CDH8: variants seen among roughly 807,000 people sequenced by gnomAD.
CDH8 encodes cadherin-8.
Under a neutral mutation model 68.1 loss-of-function variants are expected in CDH8, and 17 were observed. The observed-to-expected ratio is 0.25, with a 90% CI of 0.17 to 0.37. The LOEUF is 0.37. Among genes scored for constraint, CDH8 ranks in the 10% least tolerant of loss-of-function variants. The pLI is 1.00. For synonymous variants in CDH8, 372 were observed against 365.1 expected (o/e 1.02, Z -0.21); for missense variants, 763 against 999.3 (o/e 0.76, Z 3.19).
intron 8 of CDH8, among the ~76,000 whole-genome samples, chr16:61,779,991 T>C (rs1961005057): frequency 6.6e-6 from 1 of 152,218 alleles, no homozygotes; most frequent in South Asian, 2.1e-4. Flanking sequence ...GATCTGATCC[T>C]GTACCTCCAC....
At chr16:61,769,570 C>T (rs144016973) in intron 8 of CDH8, among the ~76,000 whole-genome samples, 174 of 151,634 alleles carry the variant, frequency 1.1e-3, no homozygotes, top group African/African-American at 4.1e-3. Context: ...TAGTAGTTGT[C>T]TCATTTCATC....
At chr16:61,994,315 T>C (rs1475553057) in intron 2 of CDH8, among the ~76,000 whole-genome samples, 1 of 152,206 alleles carries the variant, frequency 6.6e-6, no homozygotes. Flanking sequence ...CAGGTGTAAA[T>C]TGAGTCAGGC....
intron 3 of CDH8, among the ~76,000 whole-genome samples, chr16:61,861,913 C>G (rs951446614): frequency 6.6e-6 from 1 of 152,094 alleles, no homozygotes. Flanking sequence ...TGTGTGTATA[C>G]AGGTAAAACT....
chr16:61,840,972 A>C (rs1207356666), intron 4 of CDH8, among the ~76,000 whole-genome samples: 1 of 152,172 alleles, frequency 6.6e-6, no homozygotes, highest in Non-Finnish European at 1.5e-5. Flanking sequence ...AAAATAGAAA[A>C]GAAAAAATAT....
chr16:62,006,192 A>G lies in CDH8; in HGVS notation c.252+14960T>C, dbSNP rs116256064. Reference sequence around the variant, plus strand: ...GTCATCCCACTTGGCCTTCTGGGTTATTGGGATGATCAAAAGAAATACTTG... The same window carrying G: ...GTCATCCCACTTGGCCTTCTGGGTTGTTGGGATGATCAAAAGAAATACTTG... On this transcript the variant is annotated intron_variant, in intron 2 of 11. Transcript: ENST00000577390. Among the ~76,000 whole-genome samples, 1,148 of 152,346 alleles carry G rather than the reference A, an allele frequency of 7.5e-3. 13 individuals carry two copies. Among genetic ancestry groups the G allele is most frequent in the African/African-American group, 0.025 (1,043 of 41,594 alleles).
intron 8 of CDH8, among the ~76,000 whole-genome samples, chr16:61,746,682 C>G (rs555441251): frequency 1.3e-5 from 2 of 151,898 alleles, no homozygotes; most frequent in East Asian, 3.9e-4. Context: ...AAAATTTACT[C>G]TAGAAGGACT....
At chr16:61,672,971 C>T (rs1320536318) in intron 10 of CDH8, among the ~76,000 whole-genome samples, 1 of 152,076 alleles carries the variant, frequency 6.6e-6, no homozygotes. Context: ...TGTGAACTTA[C>T]ATCTTTCTAC....
intron 10 of CDH8, among the ~76,000 whole-genome samples, chr16:61,689,930 C>T (rs1015813820): frequency 9.9e-5 from 15 of 151,900 alleles, no homozygotes; most frequent in African/African-American, 2.9e-4. Context: ...AACAGTCTGA[C>T]CATGTTCTAA....
At chr16:61,985,578 C>T (rs541403403) in intron 2 of CDH8, among the ~76,000 whole-genome samples, 8 of 152,262 alleles carry the variant, frequency 5.3e-5, no homozygotes, top group African/African-American at 1.9e-4. Flanking sequence ...CCACAACCTC[C>T]GCCTCCTGGA....
chr16:61,767,140 G>GT (rs1183878298), intron 8 of CDH8, among the ~76,000 whole-genome samples: 1 of 151,872 alleles, frequency 6.6e-6, no homozygotes, highest in Non-Finnish European at 1.5e-5. Flanking sequence ...CATGACTTGT[G>GT]TGTGTGTGCG....
At chr16:61,952,188 T>C (rs1455702548) in intron 2 of CDH8, among the ~76,000 whole-genome samples, 1 of 152,190 alleles carries the variant, frequency 6.6e-6, no homozygotes, top group Non-Finnish European at 1.5e-5. Flanking sequence ...AAACTATCAT[T>C]TCTTCCATGG....
At chr16:61,672,496 A>G (rs1411633547) in intron 10 of CDH8, among the ~76,000 whole-genome samples, 1 of 152,032 alleles carries the variant, frequency 6.6e-6, no homozygotes, top group Non-Finnish European at 1.5e-5. Flanking sequence ...AAGATGAAAA[A>G]ATCTTTGAGG....
Position 61,930,523 on chromosome 16 carries a change from A to G in CDH8, c.253-29050T>C, listed in dbSNP as rs182238987. Among the ~76,000 whole-genome samples, 498 of 152,230 alleles carry G rather than the reference A, an allele frequency of 3.3e-3. 2 individuals carry two copies. Among genetic ancestry groups the G allele is most frequent in the Non-Finnish European group, 5.3e-3 (358 of 68,018 alleles). On this transcript the variant is annotated intron_variant, in intron 2 of 11. Transcript: ENST00000577390. ...TCAGTGCACCCTTGAAAAGTATTTG[A>G]AAGTAGCTTATTTCTTCTATGCCAA... is the stretch of plus-strand genomic sequence containing the variant.
intron 2 of CDH8, among the ~76,000 whole-genome samples, chr16:61,930,348 T>G (rs928041598): frequency 2.6e-5 from 4 of 151,310 alleles, no homozygotes; most frequent in African/African-American, 9.7e-5. Flanking sequence ...AAATTCAAAT[T>G]TATTATGTTT....
At chr16:61,795,601 C>T (rs1961478480) in intron 7 of CDH8, among the ~76,000 whole-genome samples, 1 of 152,014 alleles carries the variant, frequency 6.6e-6, no homozygotes, top group South Asian at 2.1e-4. Flanking sequence ...GAGCCAATTC[C>T]TCAATCTGTA....
intron 2 of CDH8, among the ~76,000 whole-genome samples, chr16:62,002,668 AT>A (rs982178104): frequency 6.6e-6 from 1 of 152,192 alleles, no homozygotes; most frequent in Non-Finnish European, 1.5e-5. Context: ...AAAATACCCC[AT>A]TTTTTATAAG....
intron 4 of CDH8, among the ~76,000 whole-genome samples, chr16:61,855,801 C>T (rs150341474): frequency 6.6e-6 from 1 of 152,082 alleles, no homozygotes; most frequent in African/African-American, 2.4e-5. Flanking sequence ...ATGAACTCTG[C>T]CACTGTAACT....
At chr16:61,883,872 TTGA>T (rs1963622977) in intron 3 of CDH8, among the ~76,000 whole-genome samples, 1 of 152,086 alleles carries the variant, frequency 6.6e-6, no homozygotes, top group African/African-American at 2.4e-5. Flanking sequence ...TTAAATGTAT[TTGA>T]TGAGAACAAT....
At chr16:61,797,387 G>A (rs1032276991) in intron 7 of CDH8, among the ~76,000 whole-genome samples, 6 of 152,076 alleles carry the variant, frequency 3.9e-5, no homozygotes, top group Non-Finnish European at 8.8e-5. Flanking sequence ...GTACACAGCA[G>A]CCATACAGGT....
Sources: gnomAD v4.1 joint callset for allele counts (sites outside exome capture counted in the v4.1 genomes callset) on GRCh38, gnomAD v4.1.1 for gene constraint, MANE v1.5 for transcripts, NCBI Gene and HGNC (gene_info 2026-07-23, HGNC 2026-07-21) for gene names.